Variants in C2CD3 observed in about 807,000 individuals in gnomAD.
C2CD3 encodes C2 domain-containing protein 3.
Under a neutral mutation model 234.0 loss-of-function variants are expected in C2CD3, and 148 were observed. The ratio of observed to expected loss-of-function variants is 0.63; its 90% CI spans 0.55 to 0.72. The LOEUF (loss-of-function observed/expected upper bound fraction) is 0.72, where lower values mean the gene tolerates loss of function less well. C2CD3 is among the 30% of genes least tolerant of loss of function. The pLI is 0.00. For synonymous variants in C2CD3, 1,000 were observed against 1,035.4 expected, an observed-to-expected ratio of 0.97 and a Z score of 0.66; for missense variants, 2,577 against 2,811.5, an observed-to-expected ratio of 0.92 and a Z score of 1.89.
intron 13 of C2CD3, 100 bp downstream of exon 13, chr11:74,106,271 C>T (rs2135500108): frequency 4.3e-6 from 5 of 1,172,254 alleles, no homozygotes; most frequent in Non-Finnish European, 4.9e-6. Flanking sequence ...TACACAAGAT[C>T]AAAGACCTTG....
chr11:74,096,550 G>A, intron 16 of C2CD3, among the ~76,000 whole-genome samples: 1 of 152,120 alleles, frequency 6.6e-6, no homozygotes, highest in Admixed American at 6.5e-5. Context: ...ACAGCAATTT[G>A]ATATTCAGTT....
At chr11:74,027,156 G>T (rs965654906) in intron 32 of C2CD3, among the ~76,000 whole-genome samples, 19 of 152,030 alleles carry the variant, frequency 1.2e-4, no homozygotes, top group African/African-American at 4.4e-4. Context: ...ATCCAGGCTG[G>T]AGTGCAGTGG....
chr11:74,162,458 T>C (rs938319494), intron 2 of C2CD3, among the ~76,000 whole-genome samples: 19 of 152,192 alleles, frequency 1.2e-4, no homozygotes, highest in African/African-American at 3.4e-4. Context: ...ATGTATTTCC[T>C]AATGAAAAAA....
At chr11:74,081,287 T>C (rs1955346470) in intron 22 of C2CD3, among the ~76,000 whole-genome samples, 1 of 152,168 alleles carries the variant, frequency 6.6e-6, no homozygotes, top group Admixed American at 6.5e-5. Flanking sequence ...ACTAGTTAAG[T>C]AGGATGGGAT....
chr11:74,069,106 G>T (rs1394565878), intron 24 of C2CD3, among the ~76,000 whole-genome samples: 4 of 152,186 alleles, frequency 2.6e-5, no homozygotes, highest in Non-Finnish European at 5.9e-5. Flanking sequence ...CCATCCTCCA[G>T]TTTATTTTTA....
intron 28 of C2CD3, 121 bp from the exon 29 acceptor site, chr11:74,042,339 T>C: frequency 1.0e-6 from 1 of 1,001,818 alleles, no homozygotes; most frequent in South Asian, 1.7e-5. Context: ...ATCCCCACTA[T>C]CACAGTTCTG....
intron 32 of C2CD3, among the ~76,000 whole-genome samples, chr11:74,020,400 C>T (rs1474155544): frequency 6.6e-6 from 1 of 152,214 alleles, no homozygotes; most frequent in African/African-American, 2.4e-5. Flanking sequence ...AAAAGCCTTT[C>T]CTTTATCTTT....
chr11:74,022,756 A>G (rs1335230016), intron 32 of C2CD3, among the ~76,000 whole-genome samples: 1 of 152,238 alleles, frequency 6.6e-6, no homozygotes, highest in Non-Finnish European at 1.5e-5. Flanking sequence ...CTTCATCACA[A>G]GAGGGAAGAG....
In C2CD3 at chr11:74,078,542, G is replaced by A; in HGVS notation, c.4176C>T (p.Ser1392=). 6.2e-7 allele frequency: 1 copy of A among 1,614,078 alleles called. No homozygotes were observed. Among genetic ancestry groups the A allele is most frequent in the Non-Finnish European group, 8.5e-7 (1 of 1,179,998 alleles). Residue 1392 remains serine (S), a synonymous_variant, in exon 23 of 33, where the codon AGC becomes AGT. Transcript: ENST00000334126. ...CATCCATTCTGACAAAATCTTTCAG[G>A]CTGTTCTCAAAGCTCCAGCCCAAAT... is the stretch of plus-strand genomic sequence containing the variant. ...AEHLGWSFEN[S]LKDFVRMDEG...
intron 20 of C2CD3, among the ~76,000 whole-genome samples, chr11:74,087,790 C>G (rs900173599): frequency 6.6e-6 from 1 of 152,126 alleles, no homozygotes; most frequent in Non-Finnish European, 1.5e-5. Flanking sequence ...GCCTTGGGCT[C>G]AGCTGGATAT....
chr11:74,038,066 C>T (rs935076557), intron 29 of C2CD3, among the ~76,000 whole-genome samples: 5 of 152,216 alleles, frequency 3.3e-5, no homozygotes, highest in African/African-American at 1.2e-4. Flanking sequence ...TACCTCATAA[C>T]CATTCCTGAT....
intron 3 of C2CD3, among the ~76,000 whole-genome samples, chr11:74,146,438 A>G (rs902884263): frequency 6.6e-6 from 1 of 152,224 alleles, no homozygotes; most frequent in Non-Finnish European, 1.5e-5. Context: ...GTATCCATTT[A>G]AAGTATCAAT....
At chr11:74,070,477 G>A (rs772936249) in intron 24 of C2CD3, 10 of 152,240 alleles carry the variant, frequency 6.6e-5, no homozygotes, top group Non-Finnish European at 1.2e-4. Context: ...AAAGTCAGAA[G>A]TACAGAGTGT....
At position 74,074,561 on chromosome 11, in the gene C2CD3, G is replaced by C; in HGVS notation, c.4643C>G (p.Ser1548Ter). 1 of 1,614,122 alleles carries C rather than the reference G, an allele frequency of 6.2e-7. No homozygotes were observed. The highest frequency in any genetic ancestry group is 8.5e-7 in the Non-Finnish European group (1 of 1,179,990). The stretch of plus-strand genomic sequence containing the variant: ...CACATGAACTCGCAAGGCAGCTCCT[G>C]AGAGGTTGGAAGCATTTCGTCCAAA... The part of the protein sequence containing the change: ...PLFGRNASNL[S>*]GAALRVHVVL... The change falls in exon 24 of 33, where the codon TCA becomes TGA. Residue 1548 changes from serine (S) to a stop codon, truncating the protein, a stop_gained. Transcript: ENST00000334126. LOFTEE classifies it high-confidence loss of function.
At position 74,085,340 on chromosome 11, in the gene C2CD3, T is replaced by C. The variant is rs144666236; in HGVS notation, c.3910+278A>G. Among the ~76,000 whole-genome samples the C allele has an allele frequency of 1.7e-3, 260 of 152,236 alleles. 1 individual carries two copies. The highest frequency in any genetic ancestry group is 6.0e-3 in the African/African-American group (248 of 41,542). ...AAATGTTTTGAAAAAAATTCAGGTA[T>C]ACAGAAAAGTTGCAAAAATATAATA... On this transcript the variant is annotated intron_variant, in intron 21 of 32. Coordinates refer to ENST00000334126, the MANE Select transcript of C2CD3 (RefSeq NM_001286577.2).
At chr11:74,042,605 T>G (rs542256392) in intron 28 of C2CD3, among the ~76,000 whole-genome samples, 28 of 152,054 alleles carry the variant, frequency 1.8e-4, no homozygotes, top group African/African-American at 6.5e-4. Context: ...GCACAAAAAT[T>G]AGCTGGGTGT....
chr11:74,150,979 G>A (rs1855612472), intron 3 of C2CD3, among the ~76,000 whole-genome samples: 1 of 151,482 alleles, frequency 6.6e-6, no homozygotes, highest in South Asian at 2.1e-4. Context: ...CTGGAGTAGT[G>A]CAATGGCACA....
At chr11:74,136,690 A>C (rs989565976) in intron 5 of C2CD3, among the ~76,000 whole-genome samples, 2 of 152,164 alleles carry the variant, frequency 1.3e-5, no homozygotes, top group African/African-American at 2.4e-5. Context: ...TCTCCAGGCT[A>C]TCTCTTGCTG....
At chr11:74,061,295 G>A (rs981692737) in intron 24 of C2CD3, among the ~76,000 whole-genome samples, 1 of 152,120 alleles carries the variant, frequency 6.6e-6, no homozygotes, top group South Asian at 2.1e-4. Flanking sequence ...GATACTCCTC[G>A]AGAAGAGCAA....
Sources: gnomAD v4.1 joint callset for allele counts (sites outside exome capture counted in the v4.1 genomes callset) on GRCh38, gnomAD v4.1.1 for gene constraint, MANE v1.5 for transcripts, NCBI Gene and HGNC (gene_info 2026-07-23, HGNC 2026-07-21) for gene names.